Variants in ULK4 observed in about 807,000 individuals in gnomAD.
The protein encoded by ULK4 is unc-51 like kinase 4.
Under a neutral mutation model 160.6 loss-of-function variants are expected in ULK4, and 133 were observed. The observed-to-expected ratio is 0.83, with a 90% CI of 0.72 to 0.96. The LOEUF (loss-of-function observed/expected upper bound fraction) is 0.96, where lower values mean the gene tolerates loss of function less well. ULK4 is among the 40% of genes least tolerant of loss of function. The pLI is 0.00. For missense variants in ULK4, 1,580 were observed against 1,499.5 expected (o/e 1.05, Z -0.89); for synonymous variants, 534 against 539.8 (o/e 0.99, Z 0.15).
At chr3:41,497,047 A>G (rs2099834561) in intron 32 of ULK4, among the ~76,000 whole-genome samples, 1 of 131,170 alleles carries the variant, frequency 7.6e-6, no homozygotes, top group Admixed American at 7.6e-5. Context: ...AACCAAAAAA[A>G]AAAAAAAGAT....
chr3:41,367,375 G>C, intron 35 of ULK4, among the ~76,000 whole-genome samples: 1 of 152,212 alleles, frequency 6.6e-6, no homozygotes, highest in East Asian at 1.9e-4. Flanking sequence ...ATTCAGAGGA[G>C]GAACAGGGAC....
At chr3:41,916,752 G>C (rs1359626652) in intron 7 of ULK4, among the ~76,000 whole-genome samples, 1 of 141,778 alleles carries the variant, frequency 7.1e-6, no homozygotes, top group Non-Finnish European at 1.5e-5. Context: ...TTCTTGCCCA[G>C]GCTGGAGTGC....
At chr3:41,914,516 A>C (rs78458313) in intron 8 of ULK4, among the ~76,000 whole-genome samples, 2,902 of 152,296 alleles carry the variant, frequency 0.019, 92 homozygotes, top group African/African-American at 0.064. Context: ...AATGTATCAA[A>C]CTTTTTAAAT....
At chr3:41,794,660 C>CCAAAAAAA (rs2040243189) in intron 20 of ULK4, among the ~76,000 whole-genome samples, 1 of 18,996 alleles carries the variant, frequency 5.3e-5, no homozygotes, top group African/African-American at 1.8e-4. Context: ...GACTCTGTCT[C>CCAAAAAAA]AAAAAAAAAA....
At chr3:41,772,461 A>C (rs1490612868) in intron 21 of ULK4, among the ~76,000 whole-genome samples, 1 of 152,172 alleles carries the variant, frequency 6.6e-6, no homozygotes, top group African/African-American at 2.4e-5. Context: ...AATAAACTAG[A>C]AAATCTAGAA....
In ULK4 at chr3:41,900,726, T is replaced by A; in HGVS notation, c.1286A>T (p.Lys429Met). 6.2e-7 allele frequency: 1 copy of A among 1,612,666 alleles called. No homozygotes were observed. Among genetic ancestry groups the A allele is most frequent in the Middle Eastern group, 1.7e-4 (1 of 6,054 alleles). ...AGTTGTTAGAGTGTCTTTCTGCACC[T>A]TTGGATTGTCGATAATGGGGGTGAC... ...LVVTPIIDNP[K>M]IMKQPPVKFD... Residue 429 changes from lysine to methionine, a missense_variant and splice_region_variant, in exon 13 of 37, where the codon AAG becomes ATG. Coordinates refer to ENST00000301831, the MANE Select transcript of ULK4 (RefSeq NM_017886.4).
At chr3:41,257,264 A>G (rs1009880205) in intron 35 of ULK4, among the ~76,000 whole-genome samples, 3 of 152,242 alleles carry the variant, frequency 2.0e-5, no homozygotes, top group Non-Finnish European at 4.4e-5. Context: ...GAATAACAGC[A>G]GTTCTCATTT....
chr3:41,835,828 T>C (rs1332407723), intron 18 of ULK4, 36 bp downstream of exon 18: 4 of 1,470,674 alleles, frequency 2.7e-6, no homozygotes, highest in Admixed American at 3.7e-5. Context: ...TGTCAGAACA[T>C]GTCAAACAGC....
intron 2 of ULK4, among the ~76,000 whole-genome samples, chr3:41,949,387 A>T (rs1247106149): frequency 6.6e-6 from 1 of 152,102 alleles, no homozygotes; most frequent in Non-Finnish European, 1.5e-5. Flanking sequence ...CAAATTTTGC[A>T]AAGTAAAATA....
At chr3:41,879,870 A>T (rs1697446089) in intron 17 of ULK4, among the ~76,000 whole-genome samples, 1 of 152,048 alleles carries the variant, frequency 6.6e-6, no homozygotes, top group Non-Finnish European at 1.5e-5. Flanking sequence ...TAATCCCAGC[A>T]CTTTGGGAGG....
At chr3:41,807,705 A>C (rs1281692422) in intron 19 of ULK4, among the ~76,000 whole-genome samples, 1 of 152,208 alleles carries the variant, frequency 6.6e-6, no homozygotes, top group Non-Finnish European at 1.5e-5. Context: ...TACAAACTAC[A>C]AGACTGCTAG....
At chr3:41,576,568 A>G (rs963537517) in intron 31 of ULK4, among the ~76,000 whole-genome samples, 8 of 152,190 alleles carry the variant, frequency 5.3e-5, no homozygotes, top group South Asian at 2.1e-4. Context: ...CTAGAAATCA[A>G]CTAGTCAGTG....
chr3:41,378,533 C>T (rs2081567007), intron 35 of ULK4, among the ~76,000 whole-genome samples: 1 of 150,932 alleles, frequency 6.6e-6, no homozygotes, highest in South Asian at 2.1e-4. Flanking sequence ...ATCGCAAGGA[C>T]AAAAAACCAA....
At chr3:41,326,320 G>C (rs940386838) in intron 35 of ULK4, among the ~76,000 whole-genome samples, 1 of 152,086 alleles carries the variant, frequency 6.6e-6, no homozygotes, top group African/African-American at 2.4e-5. Context: ...ATTATTAACT[G>C]AAGTGCAATT....
chr3:41,933,706 T>C (rs370674297), intron 4 of ULK4, among the ~76,000 whole-genome samples: 4 of 151,464 alleles, frequency 2.6e-5, no homozygotes, highest in African/African-American at 9.8e-5. Flanking sequence ...ATTTTTTTTT[T>C]AAGCCGTATC....
chr3:41,892,957 C>G (rs1698019284), intron 16 of ULK4, among the ~76,000 whole-genome samples: 1 of 152,218 alleles, frequency 6.6e-6, no homozygotes, highest in South Asian at 2.1e-4. Flanking sequence ...ATCTCCTTAG[C>G]TGCAGCACCC....
chr3:41,847,275 T>C (rs1471637901), intron 17 of ULK4, among the ~76,000 whole-genome samples: 1 of 152,206 alleles, frequency 6.6e-6, no homozygotes, highest in Non-Finnish European at 1.5e-5. Flanking sequence ...AATGTGGAAG[T>C]TCTGCAGTTA....
chr3:41,542,459 T>A (rs967906726), intron 32 of ULK4, among the ~76,000 whole-genome samples: 3 of 152,106 alleles, frequency 2.0e-5, no homozygotes, highest in Admixed American at 1.3e-4. Flanking sequence ...TGCATCGATG[T>A]TCATCTTTGG....
chr3:41,568,728 C>CCA (rs2125607760), intron 31 of ULK4, among the ~76,000 whole-genome samples: 1 of 152,214 alleles, frequency 6.6e-6, no homozygotes, highest in Admixed American at 6.5e-5. Flanking sequence ...GGGATTTTCC[C>CCA]CACACACGAA....
Sources: allele counts gnomAD v4.1 joint callset (sites outside exome capture counted in the v4.1 genomes callset), GRCh38; gene constraint gnomAD v4.1.1; transcripts MANE v1.5; gene names NCBI Gene and HGNC (gene_info 2026-07-23, HGNC 2026-07-21).